The following PTPRS variants were observed in gnomAD, a reference collection of about 807,000 sequenced individuals.
The protein encoded by PTPRS is protein tyrosine phosphatase receptor type S.
PTPRS carries 63 observed loss-of-function variants against 215.3 expected under a neutral mutation model. The observed-to-expected ratio is 0.29, with a 90% confidence interval of 0.24 to 0.36. PTPRS has a LOEUF of 0.36. Ranked by LOEUF, PTPRS falls within the 10% of genes least tolerant of loss-of-function variation. The probability of loss-of-function intolerance (pLI) is 1.00; values close to 1 mark genes in which losing one functional copy is unlikely to be tolerated. For missense variants in PTPRS, 2,258 were observed against 2,825.8 expected (o/e 0.80, Z 4.56); for synonymous variants, 1,404 against 1,191.4 (o/e 1.18, Z -3.68).
intron 7 of PTPRS, among the ~76,000 whole-genome samples, chr19:5,258,701 ACTT>A (rs1282605559): frequency 2.0e-5 from 3 of 152,164 alleles, no homozygotes; most frequent in African/African-American, 7.2e-5. Context: ...ACGGGGTTGT[ACTT>A]CTTCAGGTGT....
At chr19:5,309,999 C>T (rs1428822521) in intron 1 of PTPRS, among the ~76,000 whole-genome samples, 1 of 152,204 alleles carries the variant, frequency 6.6e-6, no homozygotes, top group Non-Finnish European at 1.5e-5. Flanking sequence ...CCAAGTCCTC[C>T]TGGTGCCCCA....
At chr19:5,289,197 C>T (rs910370723) in intron 1 of PTPRS, among the ~76,000 whole-genome samples, 11 of 152,146 alleles carry the variant, frequency 7.2e-5, no homozygotes, top group Non-Finnish European at 1.6e-4. Flanking sequence ...CCGACTCCTG[C>T]TTCCACGAAA....
At chr19:5,320,040 T>A (rs905851901) in intron 1 of PTPRS, among the ~76,000 whole-genome samples, 11 of 151,896 alleles carry the variant, frequency 7.2e-5, no homozygotes, top group Non-Finnish European at 1.3e-4. Flanking sequence ...ATCTGAGAAA[T>A]CCCCCCAGAT....
At chr19:5,262,660 A>ACC (rs1315404449) in intron 6 of PTPRS, among the ~76,000 whole-genome samples, 1 of 150,066 alleles carries the variant, frequency 6.7e-6, no homozygotes, top group Middle Eastern at 3.4e-3. Flanking sequence ...ATGCCTCTGA[A>ACC]CCCCCCTCAG....
At chr19:5,291,519 C>T (rs191230714) in intron 1 of PTPRS, among the ~76,000 whole-genome samples, 35 of 152,228 alleles carry the variant, frequency 2.3e-4, no homozygotes, top group African/African-American at 6.0e-4. Context: ...TGCTCACACA[C>T]CCACGGGGGC....
At chr19:5,221,342 G>A (rs2145349906) in intron 19 of PTPRS, 89 bp from the exon 20 acceptor site, 2 of 1,509,226 alleles carry the variant, frequency 1.3e-6, no homozygotes, top group South Asian at 1.3e-5. Context: ...CACCCTGACT[G>A]AGCCCTGATC....
Position 5,229,616 on chromosome 19 carries a change from G to A in PTPRS, c.2224C>T (p.Arg742Cys). The A allele has an allele frequency of 5.0e-6, 7 of 1,405,852 alleles. No individual in the cohort carries two copies. Among genetic ancestry groups the A allele is most frequent in the Non-Finnish European group, 6.5e-6 (7 of 1,081,580 alleles). The allele number at this position is 1,405,852 out of a possible 1,614,324, so 87.1% of individuals were successfully genotyped here. The part of the protein sequence containing the change: ...LNATAIRVLW[R>C]SPAPGRQHGQ... Reference sequence around the variant, plus strand: ...TGCTGCCGGCCGGGCGCGGGCGAGCGCCACAGCACGCGGATGGCCGTGGCG... The same window carrying A: ...TGCTGCCGGCCGGGCGCGGGCGAGCACCACAGCACGCGGATGGCCGTGGCG... Residue 742 changes from arginine (R) to cysteine (C), a missense_variant, in exon 15 of 38, where the codon CGC (arginine) becomes TGC (cysteine). Physicochemically the swap from Arg to Cys is radical, Grantham distance 180. Transcript: ENST00000262963.
chr19:5,252,751 G>A (rs1599713243), intron 9 of PTPRS, among the ~76,000 whole-genome samples: 1 of 150,842 alleles, frequency 6.6e-6, no homozygotes, highest in South Asian at 2.1e-4. Flanking sequence ...GAGGGCAACT[G>A]TAATCCCAGC....
chr19:5,257,500 C>T lies in PTPRS; in HGVS notation c.706+517G>A. 2.2e-6 allele frequency: 1 copy of T among 454,852 alleles called. No homozygotes were observed. The highest frequency in any genetic ancestry group is 4.4e-6 in the Non-Finnish European group (1 of 226,532). The allele number at this position is 454,852 out of a possible 1,614,324, so 28.2% of individuals were successfully genotyped here. A position where few individuals can be genotyped will look rare whatever the true frequency, so the allele number is the denominator to read the frequency against. On this transcript the variant is annotated intron_variant, in intron 8 of 37. Transcript: ENST00000262963. The surrounding 1 kb of genome is among the most constrained non-coding windows in gnomAD (Gnocchi z 4.4). ...AGCTGGTGGGGGGTGGGAGGGGCAG[C>T]CTCGAAGACCCCTCCTCAACTTCTA...
chr19:5,309,060 A>G (rs1354512426), intron 1 of PTPRS, among the ~76,000 whole-genome samples: 2 of 151,918 alleles, frequency 1.3e-5, no homozygotes, highest in Non-Finnish European at 2.9e-5. Context: ...GAGTGTGTGG[A>G]GGTGGGAGGT....
chr19:5,227,576 G>C (rs2042613256), intron 16 of PTPRS, among the ~76,000 whole-genome samples: 1 of 151,968 alleles, frequency 6.6e-6, no homozygotes. Context: ...CACCACGCCT[G>C]GTTTTGTATT....
At chr19:5,335,563 T>C (rs1338001875) in intron 1 of PTPRS, among the ~76,000 whole-genome samples, 1 of 152,094 alleles carries the variant, frequency 6.6e-6, no homozygotes, top group Admixed American at 6.5e-5. Context: ...TTTTCAGTTC[T>C]CCAGGTAGGG....
intron 25 of PTPRS, among the ~76,000 whole-genome samples, chr19:5,217,023 T>G (rs1228680663): frequency 6.6e-6 from 1 of 152,220 alleles, no homozygotes; most frequent in Non-Finnish European, 1.5e-5. Flanking sequence ...TAGGTTCTTC[T>G]GTCTACAGAT....
chr19:5,218,202 T>A (rs533274637), intron 25 of PTPRS, among the ~76,000 whole-genome samples: 29 of 146,310 alleles, frequency 2.0e-4, no homozygotes, highest in African/African-American at 6.6e-4. Context: ...ATGTTAACTT[T>A]AAAAAAAAAA....
rs1380214201 is a variant in PTPRS at position 5,294,393 on chromosome 19, G to A, written c.-94-8159C>T. ...AGCTCTCACCACAGCGCTGCTGGAGGCCTGGGGCCCCCGGAACTGAGGATA... is the reference window on the plus strand; with the variant it reads ...AGCTCTCACCACAGCGCTGCTGGAGACCTGGGGCCCCCGGAACTGAGGATA... On this transcript the variant is annotated intron_variant, in intron 1 of 37. Coordinates refer to ENST00000262963, the MANE Select transcript of PTPRS (RefSeq NM_002850.4). The surrounding 1 kb of genome is among the most constrained non-coding windows in gnomAD (Gnocchi z 5.1). The A allele has an allele frequency of 6.6e-6, 1 of 152,346 alleles. No homozygotes were observed. The highest frequency in any genetic ancestry group is 1.5e-5 in the Non-Finnish European group (1 of 68,140). The allele number at this position is 152,346 out of a possible 1,614,324, so 9.4% of individuals were successfully genotyped here.
At chr19:5,215,956 C>T (rs2041402049) in intron 26 of PTPRS, among the ~76,000 whole-genome samples, 1 of 152,144 alleles carries the variant, frequency 6.6e-6, no homozygotes, top group Admixed American at 6.5e-5. Flanking sequence ...GTGCCTCGAG[C>T]CAAGAAGCAA....
intron 1 of PTPRS, among the ~76,000 whole-genome samples, chr19:5,298,753 G>A (rs907352064): frequency 2.0e-5 from 3 of 152,176 alleles, no homozygotes; most frequent in African/African-American, 7.2e-5. Flanking sequence ...GTCCGCCCCC[G>A]CAGGCCAGGC....
intron 1 of PTPRS, among the ~76,000 whole-genome samples, chr19:5,315,762 G>C (rs150426936): frequency 1.1e-3 from 159 of 148,510 alleles, no homozygotes; most frequent in Admixed American, 2.4e-3. Flanking sequence ...GAGGAGCTCG[G>C]AACACAGGCA....
chr19:5,327,095 A>C (rs2050189313), intron 1 of PTPRS, among the ~76,000 whole-genome samples: 2 of 152,172 alleles, frequency 1.3e-5, no homozygotes, highest in Admixed American at 1.3e-4. Flanking sequence ...AGCTCCTGCC[A>C]GCGTGGCAGC....
Sources: gnomAD v4.1 joint callset for allele counts (sites outside exome capture counted in the v4.1 genomes callset) on GRCh38, gnomAD v4.1.1 for gene constraint, Gnocchi (gnomAD v3.1) non-coding constraint, MANE v1.5 for transcripts, NCBI Gene and HGNC (gene_info 2026-07-23, HGNC 2026-07-21) for gene names.